Variants in GDF1 observed in about 807,000 individuals in gnomAD.
The protein encoded by GDF1 is embryonic growth/differentiation factor 1.
GDF1 carries 8 observed loss-of-function variants against 7.4 expected under a neutral mutation model. That is an observed-to-expected ratio of 1.09 (90% CI 0.64 to 1.96). GDF1 has a LOEUF of 1.96. GDF1 is among the 30% of genes most tolerant of loss of function. The pLI is 0.00. For missense variants in GDF1, 574 were observed against 551.5 expected, an observed-to-expected ratio of 1.04 and a Z score of -0.41; for synonymous variants, 311 against 276.7, an observed-to-expected ratio of 1.12 and a Z score of -1.23.
Position 18,880,339 on chromosome 19 carries a change from G to A in GDF1, c.-636C>T, listed in dbSNP as rs780388289. ...AGGCATGCAGCCGATGGTAGGAGCC[G>A]CCGCGGGACTTGAAGTAAATGTTGA... On this transcript the variant is annotated 5_prime_UTR_variant, in exon 4 of 8. Transcript: ENST00000247005. The A allele has an allele frequency of 3.2e-6, 5 of 1,557,148 alleles. No individual in the cohort carries two copies. Among genetic ancestry groups the A allele is most frequent in the South Asian group, 1.2e-5 (1 of 84,406 alleles).
intron 2 of GDF1, among the ~76,000 whole-genome samples, chr19:18,889,587 G>C (rs529412431): frequency 6.6e-6 from 1 of 152,260 alleles, no homozygotes; most frequent in Admixed American, 6.5e-5. Context: ...ACCATATCCA[G>C]CTAATTTTAT....
intron 1 of GDF1, 49 bp from the exon 2 acceptor site, chr19:18,893,624 A>T: frequency 6.4e-7 from 1 of 1,559,172 alleles, no homozygotes; most frequent in South Asian, 1.2e-5. Context: ...GGGGCCAGAG[A>T]CTGCTCCTTT....
At chr19:18,882,995 AATTT>A (rs1009830556) in intron 3 of GDF1, 4 of 152,112 alleles carry the variant, frequency 2.6e-5, no homozygotes, top group African/African-American at 9.7e-5. Flanking sequence ...TCAGCCTAAA[AATTT>A]ATTTATTAGA....
At position 18,895,097 on chromosome 19, in the gene GDF1, C is replaced by G. The variant is rs2056592733; in HGVS notation, c.-1074+727G>C. On this transcript the variant is annotated intron_variant, in intron 1 of 7. Transcript: ENST00000247005. This position sits in a 1 kb window ranked among gnomAD's most constrained non-coding sequence, Gnocchi z 6.4. ...CTGCTGTCGCCTCTTGGAGGCAGCA[C>G]AGTCCAACCCTGAAGCCCCGGGCCA... Among the ~76,000 whole-genome samples the G allele has an allele frequency of 6.6e-6, 1 of 152,252 alleles. No homozygotes were observed. Among genetic ancestry groups the G allele is most frequent in the South Asian group, 2.1e-4 (1 of 4,836 alleles).
chr19:18,894,690 A>G (rs2056582643), intron 1 of GDF1, among the ~76,000 whole-genome samples: 1 of 152,104 alleles, frequency 6.6e-6, no homozygotes, highest in African/African-American at 2.4e-5. Flanking sequence ...GGGGCCCTGG[A>G]CAGCCCTGTC....
At chr19:18,889,502 G>A (rs531376863) in intron 2 of GDF1, among the ~76,000 whole-genome samples, 34 of 152,228 alleles carry the variant, frequency 2.2e-4, no homozygotes, top group African/African-American at 7.9e-4. Context: ...CTGCAGCCTC[G>A]ACCTCCCGGG....
intron 2 of GDF1, among the ~76,000 whole-genome samples, chr19:18,893,154 C>G (rs1159818300): frequency 1.3e-5 from 2 of 152,152 alleles, no homozygotes; most frequent in Non-Finnish European, 2.9e-5. Context: ...ACCTCGTGAT[C>G]CACTCACCTT....
chr19:18,883,103 G>A (rs959459019), intron 3 of GDF1: 14 of 152,170 alleles, frequency 9.2e-5, no homozygotes, highest in African/African-American at 3.4e-4. Flanking sequence ...GGGGACTACA[G>A]GCATGAGCTA....
At chr19:18,880,216 A>G (rs1367073339) in intron 4 of GDF1, 58 bp downstream of exon 4, 2 of 1,456,252 alleles carry the variant, frequency 1.4e-6, no homozygotes, top group East Asian at 2.6e-5. Context: ...CCTTTTCTGG[A>G]CACACCCACC....
Position 18,870,108 on chromosome 19 carries a change from CGAA to C in GDF1, c.197_199del (p.Phe66_Arg67delinsTer), listed in dbSNP as rs2055939093. On this transcript the variant is annotated stop_gained and inframe_deletion, in exon 7 of 8. Coordinates refer to ENST00000247005, the MANE Select transcript of GDF1 (RefSeq NM_001492.6). LOFTEE classifies it high-confidence loss of function. This position sits in a 1 kb window ranked among gnomAD's most constrained non-coding sequence, Gnocchi z 5.1. ...CCTGGTCTCCTGGGGGTCCCGGCGT[CGAA>C]ACAGGCGCCACATGACCGGGGGAAC... 2 of 1,568,312 alleles carry C rather than the reference CGAA, an allele frequency of 1.3e-6. No individual in the cohort carries two copies. The highest frequency in any genetic ancestry group is 2.7e-5 in the African/African-American group (2 of 74,554).
At chr19:18,881,713 A>G (rs1047200079) in intron 3 of GDF1, 13 of 152,306 alleles carry the variant, frequency 8.5e-5, no homozygotes, top group African/African-American at 3.1e-4. Context: ...TGCTGTCCCC[A>G]TGACCCAGCA....
chr19:18,890,743 T>C (rs2056468539), intron 2 of GDF1, among the ~76,000 whole-genome samples: 1 of 147,010 alleles, frequency 6.8e-6, no homozygotes, highest in South Asian at 2.1e-4. Context: ...ATCGTGCCAC[T>C]GTACTCCAGC....
chr19:18,878,788 A>C lies in GDF1; in HGVS notation c.-313+142T>G. On this transcript the variant is annotated intron_variant, in intron 6 of 7. Transcript: ENST00000247005. The surrounding 1 kb of genome is among the most constrained non-coding windows in gnomAD (Gnocchi z 4.6). ...GCCACATCGTCCACGCCTTTATTGC[A>C]GTCTCTGTTTTGGAGTAGGCTTGGG... The C allele has an allele frequency of 1.4e-6, 2 of 1,463,354 alleles. No homozygotes were observed. Among genetic ancestry groups the C allele is most frequent in the Non-Finnish European group, 1.8e-6 (2 of 1,107,288 alleles). The allele number at this position is 1,463,354 out of a possible 1,614,324, so 90.6% of individuals were successfully genotyped here.
chr19:18,891,595 C>T (rs2056492246), intron 2 of GDF1, among the ~76,000 whole-genome samples: 1 of 152,082 alleles, frequency 6.6e-6, no homozygotes, highest in Non-Finnish European at 1.5e-5. Flanking sequence ...CCCCCAACCC[C>T]CAGGCAGGGT....
rs1273586395 is a variant in GDF1 at position 18,868,951 on chromosome 19, G to T, written c.765C>A (p.Ala255=). The T allele has an allele frequency of 8.3e-7, 1 of 1,200,292 alleles. No homozygotes were observed. The highest frequency in any genetic ancestry group is 1.0e-6 in the Non-Finnish European group (1 of 965,260). 74.4% of individuals were successfully genotyped at this position (1,200,292 alleles called of 1,614,324 possible). Residue 255 remains alanine, a synonymous_variant, in exon 8 of 8, where the codon GCC becomes GCA. Transcript: ENST00000247005. ...CGGGGCCGCCGCCCAACACGGGTTC[G>T]GCGTCGCGCCGCGGCCGGGCCAGGG... is the stretch of plus-strand genomic sequence containing the variant. ...CHPLARPRRD[A]EPVLGGGPGG...
intron 2 of GDF1, among the ~76,000 whole-genome samples, chr19:18,886,376 C>T (rs1331763565): frequency 2.6e-5 from 4 of 152,056 alleles, no homozygotes; most frequent in African/African-American, 4.8e-5. Flanking sequence ...AGTGAAACCC[C>T]GTCTCTACTA....
At position 18,884,299 on chromosome 19, in the gene GDF1, C is replaced by T. The variant is rs759487126; in HGVS notation, c.-913-32G>A. On this transcript the variant is annotated intron_variant, in intron 2 of 7. Transcript: ENST00000247005. The stretch of plus-strand genomic sequence containing the variant: ...AGAGCCAAATCTCACAGTCAGGGCC[C>T]TGCGAAGCCTCTAGACGATCGCCTC... 1.4e-5 allele frequency: 22 copies of T among 1,584,110 alleles called. 2 individuals carry two copies. The South Asian group carries it at 2.5e-4, about 18-fold the overall frequency.
At chr19:18,894,607 C>T (rs1397003572) in intron 1 of GDF1, among the ~76,000 whole-genome samples, 1 of 152,082 alleles carries the variant, frequency 6.6e-6, no homozygotes, top group African/African-American at 2.4e-5. Context: ...TCCTGGGTCT[C>T]GGGCTTCCCA....
At chr19:18,872,673 G>A (rs967675280) in intron 6 of GDF1, among the ~76,000 whole-genome samples, 18 of 92,056 alleles carry the variant, frequency 2.0e-4, no homozygotes, top group African/African-American at 7.2e-4. Context: ...CTGCCACCAC[G>A]CCCAGATAAT....
Sources: allele counts gnomAD v4.1 joint callset (sites outside exome capture counted in the v4.1 genomes callset), GRCh38; gene constraint gnomAD v4.1.1; non-coding constraint Gnocchi (gnomAD v3.1); transcripts MANE v1.5; gene names NCBI Gene and HGNC (gene_info 2026-07-23, HGNC 2026-07-21).